IGF2BP2: variants seen among roughly 807,000 people sequenced by gnomAD.
IGF2BP2 encodes the protein insulin like growth factor 2 mRNA binding protein 2.
A neutral mutation model predicts 75.8 loss-of-function variants in IGF2BP2; 17 were observed. The observed-to-expected ratio is 0.22, with a 90% CI of 0.15 to 0.34. The LOEUF (loss-of-function observed/expected upper bound fraction) is 0.34, where lower values mean the gene tolerates loss of function less well. Among genes scored for constraint, IGF2BP2 ranks in the 10% least tolerant of loss-of-function variants. The pLI, the probability that IGF2BP2 is intolerant of heterozygous loss-of-function variation, is 1.00. For synonymous variants in IGF2BP2, 288 were observed against 295.6 expected (o/e 0.97, Z 0.26); for missense variants, 516 against 772.4 (o/e 0.67, Z 3.93).
At chr3:185,792,181 T>C (rs771710190) in intron 2 of IGF2BP2, among the ~76,000 whole-genome samples, 1 of 152,188 alleles carries the variant, frequency 6.6e-6, no homozygotes, top group Non-Finnish European at 1.5e-5. Flanking sequence ...GTAAATCCTG[T>C]TAAAAAGTAG....
chr3:185,771,975 C>A (rs746431267), intron 2 of IGF2BP2, among the ~76,000 whole-genome samples: 3 of 152,150 alleles, frequency 2.0e-5, no homozygotes, highest in Non-Finnish European at 4.4e-5. Context: ...CAGAAGTAGG[C>A]ATCTCTGCCC....
chr3:185,706,400 C>A (rs1266632790), intron 2 of IGF2BP2, among the ~76,000 whole-genome samples: 1 of 152,068 alleles, frequency 6.6e-6, no homozygotes, highest in Non-Finnish European at 1.5e-5. Flanking sequence ...CCGAGTGAGA[C>A]CCTCTCTCTC....
Position 185,657,271 on chromosome 3 carries a change from C to G in IGF2BP2, c.1386+15G>C. The G allele has an allele frequency of 1.3e-6, 2 of 1,594,608 alleles. No individual in the cohort carries two copies. Among genetic ancestry groups the G allele is most frequent in the Non-Finnish European group, 1.7e-6 (2 of 1,163,784 alleles). ...GGTGGTAGAAGGGCCACAGGGCCGT[C>G]AGGAGCAGCCTCACCTTGATAGAGG... On this transcript the variant is annotated intron_variant, in intron 12 of 15. Coordinates refer to ENST00000382199, the MANE Select transcript of IGF2BP2 (RefSeq NM_006548.6).
intron 2 of IGF2BP2, among the ~76,000 whole-genome samples, chr3:185,720,844 T>C (rs545424335): frequency 6.6e-6 from 1 of 152,330 alleles, no homozygotes; most frequent in East Asian, 1.9e-4. Flanking sequence ...ACATAATCAG[T>C]AAGAAATTCT....
intron 2 of IGF2BP2, among the ~76,000 whole-genome samples, chr3:185,773,813 T>C (rs1389482855): frequency 6.6e-6 from 1 of 152,206 alleles, no homozygotes; most frequent in East Asian, 1.9e-4. Flanking sequence ...TTAGCTCAAT[T>C]TTACTTGCAG....
In IGF2BP2 at chr3:185,788,000, G is replaced by A. The variant is rs77581032; in HGVS notation, c.239+35153C>T. ...AGAAATTAGGCATTCTAGTTAGCAC[G>A]TCAAGATTTTCTTCATGTAAATCTA... On this transcript the variant is annotated intron_variant, in intron 2 of 15. Coordinates refer to ENST00000382199, the MANE Select transcript of IGF2BP2 (RefSeq NM_006548.6). 1.5e-3 allele frequency among the ~76,000 whole-genome samples: 224 copies of A among 152,274 alleles called. 2 individuals carry two copies. The highest frequency in any genetic ancestry group is 3.4e-3 in the Middle Eastern group (1 of 294).
chr3:185,671,592 C>T (rs1718524345), intron 10 of IGF2BP2, among the ~76,000 whole-genome samples: 1 of 150,762 alleles, frequency 6.6e-6, no homozygotes, highest in South Asian at 2.1e-4. Flanking sequence ...CATATATAAG[C>T]AAGAATGCAG....
At chr3:185,664,582 A>G (rs181024788) in intron 10 of IGF2BP2, among the ~76,000 whole-genome samples, 18 of 152,322 alleles carry the variant, frequency 1.2e-4, no homozygotes, top group Non-Finnish European at 8.8e-5. Flanking sequence ...TGCTTCAATA[A>G]TTTGTATATA....
At chr3:185,775,419 C>T (rs183579657) in intron 2 of IGF2BP2, among the ~76,000 whole-genome samples, 2 of 152,336 alleles carry the variant, frequency 1.3e-5, no homozygotes, top group Admixed American at 1.3e-4. Flanking sequence ...ACCCTCCAAA[C>T]AGCATCCAAT....
intron 2 of IGF2BP2, among the ~76,000 whole-genome samples, chr3:185,822,722 TAA>T (rs1365821366): frequency 1.3e-5 from 2 of 151,966 alleles, no homozygotes; most frequent in Non-Finnish European, 2.9e-5. Flanking sequence ...TTAAACTATC[TAA>T]AAGAGAAAAG....
intron 2 of IGF2BP2, among the ~76,000 whole-genome samples, chr3:185,740,143 C>T (rs1729359000): frequency 1.3e-5 from 2 of 152,188 alleles, no homozygotes; most frequent in Admixed American, 6.5e-5. Context: ...CCACCATACC[C>T]GGCCTTTTTA....
At chr3:185,795,109 G>A (rs1202491460) in intron 2 of IGF2BP2, among the ~76,000 whole-genome samples, 2 of 152,060 alleles carry the variant, frequency 1.3e-5, no homozygotes, top group East Asian at 1.9e-4. Context: ...ATGTTAGCCA[G>A]GATGGTCTCG....
intron 2 of IGF2BP2, among the ~76,000 whole-genome samples, chr3:185,794,017 G>A (rs1347717321): frequency 6.7e-6 from 1 of 148,198 alleles, no homozygotes; most frequent in African/African-American, 2.5e-5. Flanking sequence ...AGAGTGCAGT[G>A]GTACAAACAA....
intron 10 of IGF2BP2, among the ~76,000 whole-genome samples, chr3:185,659,539 TAA>T (rs1311120058): frequency 2.9e-4 from 44 of 151,424 alleles, no homozygotes; most frequent in African/African-American, 1.1e-3. Flanking sequence ...CACGCCTGGT[TAA>T]TTTTTTGTAT....
chr3:185,696,848 C>T (rs1258772134), intron 3 of IGF2BP2, among the ~76,000 whole-genome samples, 185 bp from the exon 4 acceptor site: 1 of 152,196 alleles, frequency 6.6e-6, no homozygotes, highest in African/African-American at 2.4e-5. Flanking sequence ...ATGGGACCTA[C>T]ATTGGCTTAT....
chr3:185,644,449 C>T lies in IGF2BP2; in HGVS notation c.*1082G>A, dbSNP rs1443069592. 1 of 152,392 alleles carries T rather than the reference C, an allele frequency of 6.6e-6. No homozygotes were observed. Among genetic ancestry groups the T allele is most frequent in the African/African-American group, 2.4e-5 (1 of 41,354 alleles). The allele number at this position is 152,392 out of a possible 1,614,324, so 9.4% of individuals were successfully genotyped here. The stretch of plus-strand genomic sequence containing the variant: ...GGTTGATTGGTTGGTTTGGTGGGTT[C>T]CTGTTTTCCTCTTCCAAAACGCTAG... On this transcript the variant is annotated 3_prime_UTR_variant, in exon 16 of 16. Transcript: ENST00000382199.
chr3:185,769,109 A>G (rs554580528), intron 2 of IGF2BP2, among the ~76,000 whole-genome samples: 46 of 152,226 alleles, frequency 3.0e-4, no homozygotes, highest in Middle Eastern at 3.4e-3. Flanking sequence ...TTGAGAGACC[A>G]AGGTGGGAGA....
intron 12 of IGF2BP2, among the ~76,000 whole-genome samples, chr3:185,657,070 T>C (rs529824194): frequency 1.4e-4 from 22 of 152,344 alleles, no homozygotes; most frequent in Non-Finnish European, 3.2e-4. Context: ...GGTTGTCTGC[T>C]ACTATTTTTT....
Position 185,648,501 on chromosome 3 carries a change from T to C in IGF2BP2, c.1593+902A>G, listed in dbSNP as rs140814138. On this transcript the variant is annotated intron_variant, in intron 14 of 15. Transcript: ENST00000382199. The stretch of plus-strand genomic sequence containing the variant: ...AAAAAAGCTTTACAAAAACAGCAAA[T>C]AACACACATATACATATATACACAT... Among the ~76,000 whole-genome samples the C allele has an allele frequency of 1.6e-3, 201 of 125,740 alleles. 1 individual carries two copies. The highest frequency in any genetic ancestry group is 5.6e-3 in the African/African-American group (187 of 33,196). 82.5% of individuals were successfully genotyped at this position (125,740 alleles called of 152,430 possible). A position where few individuals can be genotyped will look rare whatever the true frequency, so the allele number is the denominator to read the frequency against.
Sources: allele counts gnomAD v4.1 joint callset (sites outside exome capture counted in the v4.1 genomes callset), GRCh38; gene constraint gnomAD v4.1.1; transcripts MANE v1.5; gene names NCBI Gene and HGNC (gene_info 2026-07-23, HGNC 2026-07-21).